The following BCL11B variants were observed in gnomAD, a reference collection of about 807,000 sequenced individuals.
BCL11B encodes BCL11 transcription factor B.
In BCL11B, 8 loss-of-function variants were observed where a neutral mutation model predicts 49.9. The ratio of observed to expected loss-of-function variants is 0.16; its 90% CI spans 0.09 to 0.29. BCL11B has a LOEUF of 0.29. Ranked by LOEUF, BCL11B falls within the 10% of genes least tolerant of loss-of-function variation. The pLI is 1.00. For missense variants in BCL11B, 1,006 were observed against 1,351.0 expected (o/e 0.74, Z 4.00); for synonymous variants, 739 against 637.4 (o/e 1.16, Z -2.40).
At chr14:99,196,995 A>G (rs1887197047) in intron 3 of BCL11B, among the ~76,000 whole-genome samples, 1 of 152,206 alleles carries the variant, frequency 6.6e-6, no homozygotes, top group South Asian at 2.1e-4. Context: ...GGTTCCTTCC[A>G]TGTTCAGAAC....
rs753462891 is a variant in BCL11B at position 99,173,713 on chromosome 14, A to G, written c.*438T>C. 1 of 232,870 alleles carries G rather than the reference A, an allele frequency of 4.3e-6. No homozygotes were observed. Among genetic ancestry groups the G allele is most frequent in the East Asian group, 6.3e-5 (1 of 15,968 alleles). The allele number at this position is 232,870 out of a possible 1,614,324, so 14.4% of individuals were successfully genotyped here. ...ACATGCTTAGCTTAAATTTCAAAAA[A>G]GCAGCACCACCCCTCCCCCCAAATT... is the stretch of plus-strand genomic sequence containing the variant. On this transcript the variant is annotated 3_prime_UTR_variant, in exon 4 of 4. Transcript: ENST00000357195.
intron 3 of BCL11B, among the ~76,000 whole-genome samples, chr14:99,190,449 T>C (rs566625203): frequency 1.5e-4 from 23 of 152,204 alleles, no homozygotes; most frequent in Non-Finnish European, 3.1e-4. Context: ...GATGGCACCA[T>C]TGCACTCCAG....
At position 99,195,089 on chromosome 14, in the gene BCL11B, A is replaced by C. The variant is rs143827730; in HGVS notation, c.641-18894T>G. On this transcript the variant is annotated intron_variant, in intron 3 of 3. Transcript: ENST00000357195. The surrounding 1 kb of genome is among the most constrained non-coding windows in gnomAD (Gnocchi z 4.7). Reference sequence around the variant, plus strand: ...GGGCTTCCTGAGGTCGCACAGCCCAAGGATGAGGCTGGCGCAGGAACTCGA... The same window carrying C: ...GGGCTTCCTGAGGTCGCACAGCCCACGGATGAGGCTGGCGCAGGAACTCGA... 1.2e-3 allele frequency among the ~76,000 whole-genome samples: 184 copies of C among 152,340 alleles called. No homozygotes were observed. The highest frequency in any genetic ancestry group is 4.1e-3 in the African/African-American group (171 of 41,588).
chr14:99,240,752 A>T (rs1239480508), intron 2 of BCL11B, among the ~76,000 whole-genome samples: 1 of 152,198 alleles, frequency 6.6e-6, no homozygotes, highest in South Asian at 2.1e-4. Flanking sequence ...GCACAACAAA[A>T]TGTGTAAAAA....
At chr14:99,219,239 GC>G (rs950558933) in intron 3 of BCL11B, among the ~76,000 whole-genome samples, 6 of 151,890 alleles carry the variant, frequency 4.0e-5, no homozygotes, top group Non-Finnish European at 7.4e-5. Flanking sequence ...TCGCCATGTT[GC>G]CCAGGCTGGT....
intron 1 of BCL11B, among the ~76,000 whole-genome samples, chr14:99,259,209 T>A (rs2139957763): frequency 6.6e-6 from 1 of 152,114 alleles, no homozygotes; most frequent in African/African-American, 2.4e-5. Flanking sequence ...TGTATGGTAT[T>A]TAGGGAAGGA....
intron 3 of BCL11B, among the ~76,000 whole-genome samples, chr14:99,201,504 C>A (rs1387348588): frequency 6.6e-6 from 1 of 152,168 alleles, no homozygotes; most frequent in Non-Finnish European, 1.5e-5. Flanking sequence ...CAAGGTCACA[C>A]AGCCAGAAGC....
intron 3 of BCL11B, among the ~76,000 whole-genome samples, chr14:99,177,459 C>T (rs1392349573): frequency 6.6e-6 from 1 of 151,240 alleles, no homozygotes; most frequent in East Asian, 1.9e-4. Context: ...GGGTGAAGCT[C>T]GCCGCTTTTC....
Position 99,232,324 on chromosome 14 carries a change from C to T in BCL11B, c.428-767G>A, listed in dbSNP as rs1379485170. Among the ~76,000 whole-genome samples the T allele has an allele frequency of 1.3e-5, 2 of 152,246 alleles. No individual in the cohort carries two copies. The highest frequency in any genetic ancestry group is 2.9e-5 in the Non-Finnish European group (2 of 68,038). Reference sequence around the variant, plus strand: ...CCCGCCTCTGCCCAGCCCCACAGCTCGCTCAGCTCCACAGCAAGGCCTGCA... The same window carrying T: ...CCCGCCTCTGCCCAGCCCCACAGCTTGCTCAGCTCCACAGCAAGGCCTGCA... On this transcript the variant is annotated intron_variant, in intron 2 of 3. Transcript: ENST00000357195. This position sits in a 1 kb window ranked among gnomAD's most constrained non-coding sequence, Gnocchi z 5.1.
intron 2 of BCL11B, among the ~76,000 whole-genome samples, chr14:99,249,584 G>C (rs1228774665): frequency 6.6e-6 from 1 of 152,210 alleles, no homozygotes; most frequent in Non-Finnish European, 1.5e-5. Flanking sequence ...GCAGAGAGGT[G>C]GATGGAATGT....
chr14:99,198,052 T>A (rs1391146899), intron 3 of BCL11B, among the ~76,000 whole-genome samples: 2 of 152,196 alleles, frequency 1.3e-5, no homozygotes, highest in Non-Finnish European at 2.9e-5. Context: ...AAGGGCTGGA[T>A]GGTTTTCTGG....
intron 1 of BCL11B, among the ~76,000 whole-genome samples, chr14:99,270,153 GCT>G (rs1889620275): frequency 6.6e-6 from 1 of 151,914 alleles, no homozygotes; most frequent in South Asian, 2.1e-4. Flanking sequence ...GTCTTGCCCC[GCT>G]GCCTGACTTT....
At position 99,195,078 on chromosome 14, in the gene BCL11B, C is replaced by T. The variant is rs1465232748; in HGVS notation, c.641-18883G>A. ...GCATGCAGAAAGGGCTTCCTGAGGTCGCACAGCCCAAGGATGAGGCTGGCG... is the reference window on the plus strand; with the variant it reads ...GCATGCAGAAAGGGCTTCCTGAGGTTGCACAGCCCAAGGATGAGGCTGGCG... On this transcript the variant is annotated intron_variant, in intron 3 of 3. Transcript: ENST00000357195. The surrounding 1 kb of genome is among the most constrained non-coding windows in gnomAD (Gnocchi z 4.7). Among the ~76,000 whole-genome samples, 1 of 152,172 alleles carries T rather than the reference C, an allele frequency of 6.6e-6. No individual in the cohort carries two copies. Among genetic ancestry groups the T allele is most frequent in the Non-Finnish European group, 1.5e-5 (1 of 68,026 alleles).
chr14:99,243,740 T>A (rs565847921), intron 2 of BCL11B, among the ~76,000 whole-genome samples: 7 of 152,244 alleles, frequency 4.6e-5, no homozygotes, highest in African/African-American at 1.4e-4. Context: ...AGCACCCTTG[T>A]AGGAAATCCT....
Position 99,257,539 on chromosome 14 carries a change from G to A in BCL11B, c.359C>T (p.Thr120Ile), listed in dbSNP as rs750062446. 6.2e-7 allele frequency: 1 copy of A among 1,613,962 alleles called. No homozygotes were observed. The highest frequency in any genetic ancestry group is 1.1e-5 in the South Asian group (1 of 91,048). ...GAGCAGGTGGTCATCTTCGTCGGGG[G>A]TGACTTGGATCCCGATCTCCACCGG... Reference protein sequence around the residue: ...SEPVEIGIQVTPDEDDHLLSP... With the variant: ...SEPVEIGIQVIPDEDDHLLSP... The change falls in exon 2 of 4, where the codon ACC becomes ATC. Residue 120 changes from threonine to isoleucine, a missense_variant. Thr to Ile is a moderately conservative substitution (Grantham distance 89). Coordinates refer to ENST00000357195, the MANE Select transcript of BCL11B (RefSeq NM_138576.4). This position sits in a 1 kb window ranked among gnomAD's most constrained non-coding sequence, Gnocchi z 6.2.
At chr14:99,218,458 C>G (rs192400137) in intron 3 of BCL11B, among the ~76,000 whole-genome samples, 16 of 152,110 alleles carry the variant, frequency 1.1e-4, no homozygotes, top group Admixed American at 1.0e-3. Flanking sequence ...AGCTGGGGGC[C>G]ACATGTGACC....
At position 99,184,759 on chromosome 14, in the gene BCL11B, C is replaced by T. The variant is rs762360517; in HGVS notation, c.641-8564G>A. Among the ~76,000 whole-genome samples, 6 of 152,254 alleles carry T rather than the reference C, an allele frequency of 3.9e-5. No homozygotes were observed. Among genetic ancestry groups the T allele is most frequent in the Admixed American group, 6.5e-5 (1 of 15,292 alleles). On this transcript the variant is annotated intron_variant, in intron 3 of 3. Transcript: ENST00000357195. This position sits in a 1 kb window ranked among gnomAD's most constrained non-coding sequence, Gnocchi z 6.1. ...CCCGGGAGGCCAAGCTGAAGGCCTT[C>T]GAGGGCAGGAAATGGCCCAGAAGAA...
intron 3 of BCL11B, among the ~76,000 whole-genome samples, chr14:99,218,419 A>C (rs1348030245): frequency 1.3e-5 from 2 of 151,930 alleles, no homozygotes; most frequent in East Asian, 3.9e-4. Context: ...TATCGTTAAT[A>C]GTTGTGTTCT....
At chr14:99,222,096 G>T (rs1888026424) in intron 3 of BCL11B, among the ~76,000 whole-genome samples, 1 of 152,110 alleles carries the variant, frequency 6.6e-6, no homozygotes, top group Non-Finnish European at 1.5e-5. Flanking sequence ...AGACTATTTG[G>T]GTTTAATTGT....
Sources: allele counts gnomAD v4.1 joint callset (sites outside exome capture counted in the v4.1 genomes callset), GRCh38; gene constraint gnomAD v4.1.1; non-coding constraint Gnocchi (gnomAD v3.1); transcripts MANE v1.5; gene names NCBI Gene and HGNC (gene_info 2026-07-23, HGNC 2026-07-21).